Variants in DGKB observed in about 807,000 individuals in gnomAD.
DGKB encodes the protein diacylglycerol kinase beta, also known as 90 kDa diacylglycerol kinase.
In DGKB, 67 loss-of-function variants were observed where a neutral mutation model predicts 114.3. The ratio of observed to expected loss-of-function variants is 0.59; its 90% confidence interval spans 0.48 to 0.72. DGKB has a LOEUF of 0.72. DGKB is among the 30% of genes least tolerant of loss of function. DGKB has a pLI of 0.00. For missense variants in DGKB, 907 were observed against 975.2 expected, an observed-to-expected ratio of 0.93 and a Z score of 0.93; for synonymous variants, 398 against 323.1, an observed-to-expected ratio of 1.23 and a Z score of -2.49.
At chr7:14,559,922 T>C (rs1796406076) in intron 20 of DGKB, among the ~76,000 whole-genome samples, 1 of 151,796 alleles carries the variant, frequency 6.6e-6, no homozygotes, top group Admixed American at 6.6e-5. Context: ...TTCTCCTTCC[T>C]TCCTTCCTCC....
intron 23 of DGKB, among the ~76,000 whole-genome samples, chr7:14,211,854 T>TA (rs1225368309): frequency 0.068 from 23 of 338 alleles, 2 homozygotes; most frequent in African/African-American, 0.15. Context: ...TGTTTTGTGA[T>TA]TTTACTCTCA....
intron 21 of DGKB, among the ~76,000 whole-genome samples, chr7:14,416,433 G>GAATTATATTTT (rs1825740004): frequency 6.6e-6 from 1 of 151,898 alleles, no homozygotes. Context: ...TTTATATTAT[G>GAATTATATTTT]GGTTATGACC....
intron 1 of DGKB, among the ~76,000 whole-genome samples, chr7:14,918,474 G>A (rs966617546): frequency 2.4e-4 from 36 of 152,038 alleles, no homozygotes; most frequent in Admixed American, 6.5e-4. Flanking sequence ...TGAACAACTG[G>A]AATTTGAATC....
At position 14,586,750 on chromosome 7, in the gene DGKB, C is replaced by G. The variant is rs146847811; in HGVS notation, c.1434-3613G>C. Among the ~76,000 whole-genome samples the G allele has an allele frequency of 1.7e-4, 26 of 152,058 alleles. No individual in the cohort carries two copies. In the East Asian group the frequency reaches 5.1e-3, roughly 30 times the overall value. ...GCCCCTAAGAATTATGCCAAACTTA[C>G]TCTACCTGTGCACTATAAATGGTGG... On this transcript the variant is annotated intron_variant, in intron 17 of 25. Transcript: ENST00000402815.
chr7:14,631,064 T>C (rs894864827), intron 13 of DGKB, among the ~76,000 whole-genome samples: 1 of 151,282 alleles, frequency 6.6e-6, no homozygotes, highest in Non-Finnish European at 1.5e-5. Flanking sequence ...GAAGAAAAGT[T>C]GGATGGGATG....
At chr7:14,884,536 A>T (rs548397103) in intron 1 of DGKB, among the ~76,000 whole-genome samples, 1 of 151,932 alleles carries the variant, frequency 6.6e-6, no homozygotes, top group Non-Finnish European at 1.5e-5. Flanking sequence ...GGAGATAAAT[A>T]TCTTCCCTGA....
intron 3 of DGKB, 77 bp downstream of exon 3, chr7:14,757,578 T>A (rs895245817): frequency 3.7e-6 from 3 of 816,626 alleles, no homozygotes; most frequent in Non-Finnish European, 2.0e-6. Flanking sequence ...ACATACATTT[T>A]TCCAAGAATT....
At chr7:14,925,862 G>T (rs575629561) in intron 1 of DGKB, among the ~76,000 whole-genome samples, 14 of 137,560 alleles carry the variant, frequency 1.0e-4, no homozygotes, top group African/African-American at 2.5e-4. Context: ...AGGAATAATT[G>T]GGTCCCCCCC....
intron 1 of DGKB, among the ~76,000 whole-genome samples, chr7:14,958,050 CA>C (rs1161473830): frequency 6.6e-6 from 1 of 151,866 alleles, no homozygotes; most frequent in African/African-American, 2.4e-5. Flanking sequence ...CTTATATGTA[CA>C]ATTTAAATGC....
At chr7:14,873,290 T>A (rs1202772523) in intron 1 of DGKB, among the ~76,000 whole-genome samples, 2 of 152,144 alleles carry the variant, frequency 1.3e-5, no homozygotes, top group Non-Finnish European at 2.9e-5. Context: ...TCACTTAGTT[T>A]AGCCCATTTT....
intron 15 of DGKB, among the ~76,000 whole-genome samples, chr7:14,615,029 T>C (rs1031003514): frequency 9.4e-4 from 143 of 152,094 alleles, no homozygotes; most frequent in Admixed American, 1.3e-4. Flanking sequence ...CAAACAACTA[T>C]ATCTAAAAAC....
At chr7:14,292,155 CTT>C (rs1801870624) in intron 23 of DGKB, among the ~76,000 whole-genome samples, 1 of 152,134 alleles carries the variant, frequency 6.6e-6, no homozygotes, top group Admixed American at 6.6e-5. Flanking sequence ...TTGTGAATGT[CTT>C]TTGGGAAAAT....
intron 18 of DGKB, 40 bp from the exon 19 acceptor site, chr7:14,580,991 G>A (rs907621811): frequency 3.2e-5 from 47 of 1,458,978 alleles, no homozygotes; most frequent in Non-Finnish European, 4.0e-5. Flanking sequence ...AAAATTTTAA[G>A]TTCAGATAAA....
intron 13 of DGKB, among the ~76,000 whole-genome samples, chr7:14,632,248 G>A (rs1294465410): frequency 6.6e-6 from 1 of 151,896 alleles, no homozygotes; most frequent in Non-Finnish European, 1.5e-5. Context: ...TGATATTATG[G>A]AATCATTGTT....
rs932323487 is a variant in DGKB at position 14,543,289 on chromosome 7, G to C, written c.1770+30923C>G. 4.9e-4 allele frequency among the ~76,000 whole-genome samples: 75 copies of C among 151,700 alleles called. 1 individual carries two copies. The highest frequency in any genetic ancestry group is 1.8e-3 in the African/African-American group (73 of 41,384). ...CAAGACCCCATCTCTACAAAAAATA[G>C]AAAAATTAGCCAGGCATGGTGGCAT... On this transcript the variant is annotated intron_variant, in intron 20 of 25. Transcript: ENST00000402815.
chr7:14,782,664 A>T (rs1452273291), intron 2 of DGKB, among the ~76,000 whole-genome samples: 2 of 152,122 alleles, frequency 1.3e-5, no homozygotes, highest in Non-Finnish European at 2.9e-5. Context: ...AGAGTGAATT[A>T]AACAGGAGGG....
chr7:14,471,304 TATAC>T (rs1402511276), intron 21 of DGKB, among the ~76,000 whole-genome samples: 1 of 124,972 alleles, frequency 8.0e-6, no homozygotes, highest in African/African-American at 2.8e-5. Flanking sequence ...AATATATGTG[TATAC>T]ATACATATAT....
intron 23 of DGKB, among the ~76,000 whole-genome samples, chr7:14,280,261 C>T (rs1334748396): frequency 6.6e-6 from 1 of 151,734 alleles, no homozygotes; most frequent in Non-Finnish European, 1.5e-5. Context: ...AGGGTATCAG[C>T]AATGGAAGAT....
chr7:14,891,637 T>G (rs796392313), intron 1 of DGKB, among the ~76,000 whole-genome samples: 3 of 151,546 alleles, frequency 2.0e-5, no homozygotes, highest in African/African-American at 7.2e-5. Flanking sequence ...TAGAGAGAAG[T>G]AGGGTTAACG....
Sources: gnomAD v4.1 joint callset for allele counts (sites outside exome capture counted in the v4.1 genomes callset) on GRCh38, gnomAD v4.1.1 for gene constraint, MANE v1.5 for transcripts, NCBI Gene and HGNC (gene_info 2026-07-23, HGNC 2026-07-21) for gene names.